Variants in TMEM200A observed in about 807,000 individuals in gnomAD.
TMEM200A encodes the protein transmembrane protein 200A.
Under a neutral mutation model 24.3 loss-of-function variants are expected in TMEM200A, and 12 were observed. The observed-to-expected ratio is 0.49, with a 90% confidence interval of 0.32 to 0.80. The LOEUF (loss-of-function observed/expected upper bound fraction) is 0.80, where lower values mean the gene tolerates loss of function less well. Among genes scored for constraint, TMEM200A ranks in the 30% least tolerant of loss-of-function variants. The pLI, the probability that TMEM200A is intolerant of heterozygous loss-of-function variation, is 0.04. For synonymous variants in TMEM200A, 224 were observed against 224.4 expected, an observed-to-expected ratio of 1.00 and a Z score of 0.02; for missense variants, 545 against 614.4, an observed-to-expected ratio of 0.89 and a Z score of 1.19.
At chr6:130,376,290 A>G (rs145178761) in intron 1 of TMEM200A, among the ~76,000 whole-genome samples, 62 of 152,228 alleles carry the variant, frequency 4.1e-4, no homozygotes, top group African/African-American at 1.4e-3. Context: ...TTATTTTTTG[A>G]GAGAGGGTCT....
intron 2 of TMEM200A, among the ~76,000 whole-genome samples, chr6:130,387,536 G>A (rs1046023393): frequency 2.0e-5 from 3 of 152,194 alleles, no homozygotes; most frequent in Admixed American, 6.5e-5. Context: ...GCCTCCCAAA[G>A]TGCTGGGATT....
intron 2 of TMEM200A, among the ~76,000 whole-genome samples, chr6:130,393,134 A>G (rs1778874267): frequency 6.6e-6 from 1 of 152,234 alleles, no homozygotes. Context: ...GATAGAAGCG[A>G]GAGATCAGTA....
At chr6:130,422,814 A>ATT (rs1489975218) in intron 2 of TMEM200A, among the ~76,000 whole-genome samples, 2 of 152,200 alleles carry the variant, frequency 1.3e-5, no homozygotes, top group African/African-American at 4.8e-5. Context: ...TCAACCAACT[A>ATT]TTTAAAAAAC....
chr6:130,415,647 G>A (rs73626750), intron 2 of TMEM200A, among the ~76,000 whole-genome samples: 2,438 of 152,102 alleles, frequency 0.016, 64 homozygotes, highest in African/African-American at 0.052. Context: ...CCATGCTCAC[G>A]AGATATCCTT....
upstream of TMEM200A, chr6:130,365,981 C>T (rs1562544271): frequency 1.9e-5 from 19 of 985,630 alleles, no homozygotes; most frequent in Non-Finnish European, 2.3e-5. Context: ...CCCGCCTCTT[C>T]GGGGCTTTAT....
intron 2 of TMEM200A, among the ~76,000 whole-genome samples, chr6:130,425,770 G>A (rs543432850): frequency 6.6e-6 from 1 of 152,210 alleles, no homozygotes; most frequent in South Asian, 2.1e-4. Flanking sequence ...GTTGTTATGA[G>A]GATTAAGTGA....
At chr6:130,426,470 C>CG (rs1554284291) in intron 2 of TMEM200A, among the ~76,000 whole-genome samples, 3 of 146,806 alleles carry the variant, frequency 2.0e-5, no homozygotes, top group Admixed American at 6.7e-5. Context: ...GCCCCCCCCC[C>CG]CTCAGTTTCC....
chr6:130,442,622 A>C lies in TMEM200A; in HGVS notation c.*724A>C, dbSNP rs112748456. 1 of 166,790 alleles carries C rather than the reference A, an allele frequency of 6.0e-6. No individual in the cohort carries two copies. The highest frequency in any genetic ancestry group is 1.5e-5 in the Non-Finnish European group (1 of 68,104). The allele number at this position is 166,790 out of a possible 1,614,324, so 10.3% of individuals were successfully genotyped here. A position where few individuals can be genotyped will look rare whatever the true frequency, so the allele number is the denominator to read the frequency against. ...ATACTCGGAATCAAAATTTATTTGCAAGCTGACTTGATAAACTAAATGAAC... is the reference window on the plus strand; with the variant it reads ...ATACTCGGAATCAAAATTTATTTGCCAGCTGACTTGATAAACTAAATGAAC... On this transcript the variant is annotated 3_prime_UTR_variant, in exon 3 of 3. Transcript: ENST00000296978.
chr6:130,433,706 C>G (rs575150605), intron 2 of TMEM200A, among the ~76,000 whole-genome samples: 5 of 152,140 alleles, frequency 3.3e-5, no homozygotes, highest in Non-Finnish European at 5.9e-5. Flanking sequence ...ATTTTTACTT[C>G]CTTTGGGCAG....
chr6:130,438,768 GA>G (rs1159806613), intron 2 of TMEM200A: 1 of 152,182 alleles, frequency 6.6e-6, no homozygotes, highest in African/African-American at 2.4e-5. Context: ...ATCATAAGTA[GA>G]AGAACTGTGA....
At chr6:130,434,648 G>A (rs1248730984) in intron 2 of TMEM200A, among the ~76,000 whole-genome samples, 1 of 152,114 alleles carries the variant, frequency 6.6e-6, no homozygotes, top group African/African-American at 2.4e-5. Context: ...ATTAGTATGA[G>A]AACAAAAATA....
At chr6:130,410,794 G>A (rs1779312247) in intron 2 of TMEM200A, among the ~76,000 whole-genome samples, 1 of 152,186 alleles carries the variant, frequency 6.6e-6, no homozygotes, top group African/African-American at 2.4e-5. Context: ...TAAGTTGTCA[G>A]TGTTATCATA....
intron 2 of TMEM200A, chr6:130,438,585 T>C (rs1780076492): frequency 6.6e-6 from 1 of 152,232 alleles, no homozygotes; most frequent in Admixed American, 6.5e-5. Flanking sequence ...TGTTTGTTCA[T>C]ATTTTTAACT....
chr6:130,419,613 G>A (rs982298642), intron 2 of TMEM200A, among the ~76,000 whole-genome samples: 1 of 152,070 alleles, frequency 6.6e-6, no homozygotes, highest in Non-Finnish European at 1.5e-5. Flanking sequence ...GGCAATTTCT[G>A]ATCAATTATT....
intron 2 of TMEM200A, among the ~76,000 whole-genome samples, chr6:130,436,630 CCTTTTTTTTTTTTTTT>C (rs1470090378): frequency 7.5e-5 from 5 of 66,780 alleles, no homozygotes; most frequent in Middle Eastern, 9.8e-3. Flanking sequence ...TTTTCTTTAT[CCTTTTTTTTTTTTTTT>C]TTTTTTTTTT....
chr6:130,440,122 A>AT (rs1370735399), intron 2 of TMEM200A, among the ~76,000 whole-genome samples: 1 of 152,152 alleles, frequency 6.6e-6, no homozygotes, highest in African/African-American at 2.4e-5. Context: ...TGATAAAATT[A>AT]TTTAAATATT....
intron 2 of TMEM200A, among the ~76,000 whole-genome samples, chr6:130,395,746 G>T (rs1463597803): frequency 1.3e-5 from 2 of 152,184 alleles, no homozygotes; most frequent in African/African-American, 4.8e-5. Flanking sequence ...TTCTTGAGGG[G>T]ATTGCGTTAT....
chr6:130,427,917 G>A (rs923846842), intron 2 of TMEM200A, among the ~76,000 whole-genome samples: 1 of 151,998 alleles, frequency 6.6e-6, no homozygotes, highest in Admixed American at 6.6e-5. Flanking sequence ...ACAGGACATT[G>A]CAGAGGAAAC....
At chr6:130,427,057 G>C (rs192577764) in intron 2 of TMEM200A, among the ~76,000 whole-genome samples, 1 of 151,952 alleles carries the variant, frequency 6.6e-6, no homozygotes, top group South Asian at 2.1e-4. Context: ...TTTTTGCCTC[G>C]AAGGCTACAC....
Sources: gnomAD v4.1 joint callset for allele counts (sites outside exome capture counted in the v4.1 genomes callset) on GRCh38, gnomAD v4.1.1 for gene constraint, MANE v1.5 for transcripts, NCBI Gene and HGNC (gene_info 2026-07-23, HGNC 2026-07-21) for gene names.